The following RAB3B variants were observed in gnomAD, a reference collection of about 807,000 sequenced individuals.
RAB3B encodes the protein RAB3B, member RAS oncogene family.
Under a neutral mutation model 20.5 loss-of-function variants are expected in RAB3B, and 11 were observed. That is an observed-to-expected ratio of 0.54 (90% CI 0.34 to 0.89). The LOEUF is 0.89. RAB3B is among the 40% of genes least tolerant of loss of function. The pLI is 0.02. For synonymous variants in RAB3B, 99 were observed against 106.3 expected, an observed-to-expected ratio of 0.93 and a Z score of 0.42; for missense variants, 225 against 280.9, an observed-to-expected ratio of 0.80 and a Z score of 1.42.
At chr1:51,936,799 A>ATTTTC (rs940235437) in intron 3 of RAB3B, among the ~76,000 whole-genome samples, 3 of 146,836 alleles carry the variant, frequency 2.0e-5, no homozygotes, top group Admixed American at 6.8e-5. Flanking sequence ...CCTAGCACAC[A>ATTTTC]TTTTCTTTTC....
At chr1:51,981,390 A>T (rs1030138721) in intron 1 of RAB3B, among the ~76,000 whole-genome samples, 4 of 152,220 alleles carry the variant, frequency 2.6e-5, no homozygotes, top group Non-Finnish European at 4.4e-5. Flanking sequence ...GTTTACACTG[A>T]AAAGTAAGTC....
intron 2 of RAB3B, among the ~76,000 whole-genome samples, chr1:51,945,290 G>T (rs1684549368): frequency 6.6e-6 from 1 of 152,156 alleles, no homozygotes; most frequent in Non-Finnish European, 1.5e-5. Flanking sequence ...TCCCACCTCA[G>T]CCTCCCAAAG....
intron 2 of RAB3B, among the ~76,000 whole-genome samples, chr1:51,975,597 A>C (rs569718573): frequency 7.9e-5 from 12 of 152,244 alleles, no homozygotes; most frequent in African/African-American, 2.9e-4. Flanking sequence ...AAATAAAGAC[A>C]CTTCAGCAGC....
chr1:51,977,846 A>G (rs1429153790), intron 1 of RAB3B, among the ~76,000 whole-genome samples: 1 of 152,144 alleles, frequency 6.6e-6, no homozygotes, highest in Non-Finnish European at 1.5e-5. Context: ...ATGGCTTTCC[A>G]CAGCTCTAAA....
intron 2 of RAB3B, among the ~76,000 whole-genome samples, chr1:51,968,359 T>A (rs1176725322): frequency 1.3e-5 from 2 of 152,218 alleles, no homozygotes; most frequent in Non-Finnish European, 2.9e-5. Flanking sequence ...CATATAATAA[T>A]CCATGACTGT....
chr1:51,930,474 G>A (rs919624502), intron 4 of RAB3B, among the ~76,000 whole-genome samples: 4 of 152,190 alleles, frequency 2.6e-5, no homozygotes, highest in Admixed American at 2.6e-4. Flanking sequence ...TACCACCTGA[G>A]TTGAAATACT....
chr1:51,978,217 T>G (rs1307813425), intron 1 of RAB3B, among the ~76,000 whole-genome samples: 1 of 152,160 alleles, frequency 6.6e-6, no homozygotes, highest in Non-Finnish European at 1.5e-5. Flanking sequence ...CCAGCATGAA[T>G]CCTAGCACAT....
At chr1:51,925,014 A>G (rs540183215) in intron 4 of RAB3B, among the ~76,000 whole-genome samples, 65 of 152,288 alleles carry the variant, frequency 4.3e-4, no homozygotes, top group African/African-American at 1.4e-3. Flanking sequence ...CCACCCCCCA[A>G]AAATGATCAC....
At chr1:51,923,938 A>G (rs1369794063) in intron 4 of RAB3B, among the ~76,000 whole-genome samples, 8 of 152,148 alleles carry the variant, frequency 5.3e-5, no homozygotes, top group Non-Finnish European at 8.8e-5. Flanking sequence ...CAGCTTACAT[A>G]TGGTATCTTC....
At chr1:51,926,192 G>A (rs1020559418) in intron 4 of RAB3B, among the ~76,000 whole-genome samples, 3 of 152,212 alleles carry the variant, frequency 2.0e-5, no homozygotes, top group African/African-American at 4.8e-5. Flanking sequence ...CATAGCCATC[G>A]ACCCAAAGAA....
chr1:51,936,821 T>G (rs1684410748), intron 3 of RAB3B, among the ~76,000 whole-genome samples: 1 of 151,482 alleles, frequency 6.6e-6, no homozygotes, highest in Admixed American at 6.6e-5. Context: ...TTTCTTTCTT[T>G]TTTTTTTTTT....
chr1:51,944,644 G>C (rs1684540729), intron 2 of RAB3B, among the ~76,000 whole-genome samples: 1 of 152,204 alleles, frequency 6.6e-6, no homozygotes, highest in Non-Finnish European at 1.5e-5. Context: ...AGTAACTGCA[G>C]ATCTAAGATC....
rs1030996614 is a variant in RAB3B, at chr1:51,918,712, C to T, written c.*1215G>A. 1.3e-5 allele frequency: 2 copies of T among 152,212 alleles called. No homozygotes were observed. Among genetic ancestry groups the T allele is most frequent in the African/African-American group, 4.8e-5 (2 of 41,448 alleles). 9.4% of individuals were successfully genotyped at this position (152,212 alleles called of 1,614,324 possible). ...CTTGTCAGAAAAAGGAAGGTTAGAA[C>T]TGACTAGTCAGACTAGGTAAATTTG... On this transcript the variant is annotated 3_prime_UTR_variant, in exon 5 of 5. Transcript: ENST00000371655.
intron 1 of RAB3B, among the ~76,000 whole-genome samples, chr1:51,982,098 T>C (rs1359735952): frequency 6.6e-6 from 1 of 152,204 alleles, no homozygotes; most frequent in African/African-American, 2.4e-5. Context: ...TGCCTATTAT[T>C]GCCCCTGAAG....
At chr1:51,953,440 CAG>C (rs1003259258) in intron 2 of RAB3B, among the ~76,000 whole-genome samples, 27 of 152,284 alleles carry the variant, frequency 1.8e-4, no homozygotes, top group African/African-American at 6.3e-4. Flanking sequence ...AGGAAATGAA[CAG>C]AGTCAGGCCT....
At chr1:51,945,233 G>A (rs1684548728) in intron 2 of RAB3B, among the ~76,000 whole-genome samples, 2 of 152,240 alleles carry the variant, frequency 1.3e-5, no homozygotes, top group African/African-American at 2.4e-5. Flanking sequence ...GTGCAGTGGC[G>A]AGATCATAGC....
At chr1:51,939,074 A>T (rs1169397884) in intron 2 of RAB3B, among the ~76,000 whole-genome samples, 1 of 152,250 alleles carries the variant, frequency 6.6e-6, no homozygotes, top group Non-Finnish European at 1.5e-5. Flanking sequence ...CAAGTAGCTC[A>T]TAGTCTAGTT....
intron 2 of RAB3B, chr1:51,973,497 A>T (rs1229752024): frequency 6.6e-6 from 1 of 152,152 alleles, no homozygotes; most frequent in Non-Finnish European, 1.5e-5. Context: ...CTTGGATGGG[A>T]GATTGACTAT....
At chr1:51,949,221 T>C (rs1478793175) in intron 2 of RAB3B, among the ~76,000 whole-genome samples, 6 of 152,250 alleles carry the variant, frequency 3.9e-5, no homozygotes, top group Non-Finnish European at 8.8e-5. Flanking sequence ...CCTGGGCCTT[T>C]GCATATGCTG....
Sources: allele counts gnomAD v4.1 joint callset (sites outside exome capture counted in the v4.1 genomes callset), GRCh38; gene constraint gnomAD v4.1.1; transcripts MANE v1.5; gene names NCBI Gene and HGNC (gene_info 2026-07-23, HGNC 2026-07-21).